Variants in CAND1 observed in about 807,000 individuals in gnomAD.
CAND1 encodes cullin associated and neddylation dissociated 1.
A neutral mutation model predicts 108.5 loss-of-function variants in CAND1; 7 were observed. That is an observed-to-expected ratio of 0.06 (90% CI 0.04 to 0.12). The LOEUF (loss-of-function observed/expected upper bound fraction) is 0.12, where lower values mean the gene tolerates loss of function less well. CAND1 is among the 10% of genes least tolerant of loss of function. The pLI, the probability that CAND1 is intolerant of heterozygous loss-of-function variation, is 1.00. For synonymous variants in CAND1, 534 were observed against 512.0 expected, an observed-to-expected ratio of 1.04 and a Z score of -0.58; for missense variants, 941 against 1,448.7, an observed-to-expected ratio of 0.65 and a Z score of 5.69.
At chr12:67,278,383 C>T (rs2044589476) in intron 1 of CAND1, among the ~76,000 whole-genome samples, 1 of 152,094 alleles carries the variant, frequency 6.6e-6, no homozygotes, top group Non-Finnish European at 1.5e-5. Context: ...TTTGGAACTC[C>T]TGACCTCCAC....
intron 3 of CAND1, among the ~76,000 whole-genome samples, chr12:67,294,265 C>G (rs12318995): frequency 0.03 from 4,620 of 152,186 alleles, 245 homozygotes; most frequent in African/African-American, 0.11. Flanking sequence ...CTTCTCTCAT[C>G]AGTAACAACA....
intron 1 of CAND1, among the ~76,000 whole-genome samples, chr12:67,273,479 C>CTTTTTTT (rs535435592): frequency 1.5e-5 from 2 of 130,628 alleles, no homozygotes; most frequent in Non-Finnish European, 1.6e-5. Context: ...AAGTTCTTTT[C>CTTTTTTT]TTTTTTTTTT....
chr12:67,295,225 C>G (rs11176675), intron 4 of CAND1, 69 bp downstream of exon 4: 1 of 1,359,762 alleles, frequency 7.4e-7, no homozygotes, highest in Non-Finnish European at 1.0e-6. Flanking sequence ...AAAACCCTTT[C>G]TAGTAAATAT....
chr12:67,273,479 CTTT>C (rs535435592), intron 1 of CAND1, among the ~76,000 whole-genome samples: 4 of 130,622 alleles, frequency 3.1e-5, no homozygotes, highest in Admixed American at 7.9e-5. Context: ...AAGTTCTTTT[CTTT>C]TTTTTTTTTT....
chr12:67,270,058 G>C (rs1205047104), intron 1 of CAND1: 6 of 440,712 alleles, frequency 1.4e-5, no homozygotes, highest in Middle Eastern at 1.1e-3. Flanking sequence ...ATCCTTCCCT[G>C]CCCCACCAGG....
At chr12:67,309,351 G>C (rs1565730154) in intron 11 of CAND1, among the ~76,000 whole-genome samples, 2 of 151,980 alleles carry the variant, frequency 1.3e-5, no homozygotes, top group East Asian at 1.9e-4. Context: ...TTATTTTCCT[G>C]TGAATTCGTG....
chr12:67,307,760 G>T (rs2044903421), intron 11 of CAND1, among the ~76,000 whole-genome samples: 1 of 151,678 alleles, frequency 6.6e-6, no homozygotes, highest in Non-Finnish European at 1.5e-5. Flanking sequence ...ATATTTTTGG[G>T]GTGACCTAAG....
At chr12:67,296,178 C>A (rs1237297638) in intron 4 of CAND1, among the ~76,000 whole-genome samples, 1 of 152,044 alleles carries the variant, frequency 6.6e-6, no homozygotes, top group African/African-American at 2.4e-5. Flanking sequence ...AAAATTCAGA[C>A]TTTTTGTCCT....
At chr12:67,291,094 A>G (rs952829978) in intron 2 of CAND1, among the ~76,000 whole-genome samples, 5 of 152,222 alleles carry the variant, frequency 3.3e-5, no homozygotes, top group East Asian at 3.8e-4. Context: ...CTGCTGTCTT[A>G]ATGAGATTCA....
At chr12:67,308,379 A>C (rs1621636) in intron 11 of CAND1, among the ~76,000 whole-genome samples, 2 of 151,596 alleles carry the variant, frequency 1.3e-5, no homozygotes, top group African/African-American at 4.8e-5. Context: ...TATGAGAAAC[A>C]ACTTATTGGC....
chr12:67,283,617 A>G (rs1312363800), intron 2 of CAND1, among the ~76,000 whole-genome samples: 3 of 151,906 alleles, frequency 2.0e-5, no homozygotes, highest in Admixed American at 1.3e-4. Context: ...AGAATGATAC[A>G]GATCAGTCAG....
intron 7 of CAND1, among the ~76,000 whole-genome samples, chr12:67,299,391 GA>G (rs534937960): frequency 1.2e-4 from 18 of 152,102 alleles, no homozygotes; most frequent in African/African-American, 4.1e-4. Flanking sequence ...TAAGTATACA[GA>G]AAAAAATCTG....
At chr12:67,276,908 C>T (rs576811201) in intron 1 of CAND1, among the ~76,000 whole-genome samples, 2 of 152,248 alleles carry the variant, frequency 1.3e-5, no homozygotes, top group African/African-American at 4.8e-5. Flanking sequence ...TTCACTATGG[C>T]GGAGATTTTG....
At chr12:67,307,742 T>A (rs2044903278) in intron 11 of CAND1, among the ~76,000 whole-genome samples, 1 of 152,102 alleles carries the variant, frequency 6.6e-6, no homozygotes, top group African/African-American at 2.4e-5. Flanking sequence ...ACTACATATT[T>A]GATAGCCATA....
rs1054151887 is a variant in CAND1 at position 67,319,170 on chromosome 12, G to A, written c.*6340G>A. The A allele has an allele frequency of 6.6e-6, 1 of 152,156 alleles. No homozygotes were observed. The highest frequency in any genetic ancestry group is 2.4e-5 in the African/African-American group (1 of 41,400). The allele number at this position is 152,156 out of a possible 1,614,324, so 9.4% of individuals were successfully genotyped here. A position where few individuals can be genotyped will look rare whatever the true frequency, so the allele number is the denominator to read the frequency against. ...TTCCTCTACACAGCTGCAAAACAAT[G>A]GTCCTGACCATTTCATCTTTGCACT... On this transcript the variant is annotated 3_prime_UTR_variant, in exon 15 of 15. Transcript: ENST00000545606.
In CAND1 at chr12:67,312,895, A is replaced by G. The variant is rs1219000781; in HGVS notation, c.*65A>G. The stretch of plus-strand genomic sequence containing the variant: ...AATGCACTGAATTGACAGGTTAATC[A>G]TAAGACATGGAAAGAGAAGTGTCTA... On this transcript the variant is annotated 3_prime_UTR_variant, in exon 15 of 15. Transcript: ENST00000545606. 22 of 1,045,680 alleles carry G rather than the reference A, an allele frequency of 2.1e-5. No individual in the cohort carries two copies. The highest frequency in any genetic ancestry group is 2.9e-5 in the Non-Finnish European group (21 of 715,762). 64.8% of individuals were successfully genotyped at this position (1,045,680 alleles called of 1,614,324 possible).
chr12:67,277,725 A>G (rs2044582906), intron 1 of CAND1, among the ~76,000 whole-genome samples: 2 of 152,214 alleles, frequency 1.3e-5, no homozygotes, highest in South Asian at 2.1e-4. Context: ...GGAAGCATTA[A>G]TTTTGCTTTA....
rs1338632858 is a variant in CAND1, at chr12:67,305,322, C to A, written c.1654C>A (p.Pro552Thr). The A allele has an allele frequency of 1.2e-6, 2 of 1,613,984 alleles. No homozygotes were observed. The highest frequency in any genetic ancestry group is 3.3e-5 in the Admixed American group (2 of 60,002). ...VTQQLVKVIR[P>T]LDQPSSFDAT... ...TCAACAGCTTGTCAAAGTAATTCGT[C>A]CTTTAGATCAGCCTTCCTCGTTTGA... Residue 552 changes from proline to threonine, a missense_variant, in exon 10 of 15, where the codon CCT becomes ACT. Around this residue, in one of 9 missense-constraint regions of CAND1, gnomAD observed 697 missense variants for 942.0 expected, o/e 0.74. Transcript: ENST00000545606. The surrounding 1 kb of genome is among the most constrained non-coding windows in gnomAD (Gnocchi z 4.4).
intron 2 of CAND1, among the ~76,000 whole-genome samples, chr12:67,289,810 A>G (rs1350424585): frequency 2.0e-5 from 3 of 152,048 alleles, no homozygotes; most frequent in Admixed American, 2.0e-4. Flanking sequence ...GGATTAGGCT[A>G]TATTTAACCT....
Sources: allele counts gnomAD v4.1 joint callset (sites outside exome capture counted in the v4.1 genomes callset), GRCh38; gene constraint gnomAD v4.1.1; regional missense constraint gnomAD v4.1.1; non-coding constraint Gnocchi (gnomAD v3.1); transcripts MANE v1.5; gene names NCBI Gene and HGNC (gene_info 2026-07-23, HGNC 2026-07-21).